Variants in LRRC37B observed in about 807,000 individuals in gnomAD.
LRRC37B encodes the protein leucine-rich repeat-containing protein 37B.
LRRC37B carries 28 observed loss-of-function variants against 98.3 expected under a neutral mutation model. The observed-to-expected ratio is 0.28, with a 90% CI of 0.21 to 0.39. LRRC37B has a LOEUF of 0.39. Ranked by LOEUF, LRRC37B falls within the 10% of genes least tolerant of loss-of-function variation. The probability of loss-of-function intolerance (pLI) is 1.00; values close to 1 mark genes in which losing one functional copy is unlikely to be tolerated. For missense variants in LRRC37B, 938 were observed against 1,182.7 expected (o/e 0.79, Z 3.03); for synonymous variants, 364 against 442.7 (o/e 0.82, Z 2.23).
At chr17:32,047,298 G>GC (rs1911613258) in intron 8 of LRRC37B, 1 of 215,436 alleles carries the variant, frequency 4.6e-6, no homozygotes, top group Admixed American at 5.2e-5. Context: ...TCAGAGGACC[G>GC]CCTTTGATTG....
At chr17:32,048,868 A>G (rs1911663108) in intron 9 of LRRC37B, 2 of 1,539,840 alleles carry the variant, frequency 1.3e-6, no homozygotes, top group East Asian at 4.5e-5. Flanking sequence ...GTTTTATAGA[A>G]AACACTAGTG....
chr17:32,033,339 G>A (rs1224536333), intron 5 of LRRC37B, among the ~76,000 whole-genome samples: 2 of 148,510 alleles, frequency 1.3e-5, no homozygotes, highest in South Asian at 4.4e-4. Flanking sequence ...AGGGAGGGGA[G>A]GGAGGGAAGG....
intron 1 of LRRC37B, among the ~76,000 whole-genome samples, chr17:32,012,782 C>T (rs760598368): frequency 2.6e-5 from 4 of 152,038 alleles, no homozygotes; most frequent in Admixed American, 1.3e-4. Context: ...TTTGGGAGGC[C>T]GAGGAGGGTG....
At chr17:32,041,780 G>T (rs563896818) in intron 7 of LRRC37B, 1 of 458,412 alleles carries the variant, frequency 2.2e-6, no homozygotes. Context: ...CCATGGCGCC[G>T]GCCTCCTCCC....
At chr17:32,040,011 T>G (rs1911380079) in intron 7 of LRRC37B, 1 of 152,204 alleles carries the variant, frequency 6.6e-6, no homozygotes, top group African/African-American at 2.4e-5. Context: ...AGGAAAAAAA[T>G]GCTCTGATTT....
chr17:32,053,333 G>A, exon 12 of LRRC37B: 1 of 1,601,286 alleles, frequency 6.2e-7, no homozygotes, highest in Admixed American at 1.8e-5. Context: ...GCCTGAGCAT[G>A]AGTTAAAGCA....
At chr17:32,033,060 A>T (rs1356604832) in intron 5 of LRRC37B, among the ~76,000 whole-genome samples, 1 of 152,180 alleles carries the variant, frequency 6.6e-6, no homozygotes, top group Non-Finnish European at 1.5e-5. Context: ...GCTACTCAGG[A>T]GGCTGAGGCA....
exon 1 of LRRC37B, chr17:32,022,815 T>A: frequency 6.2e-7 from 1 of 1,613,746 alleles, no homozygotes; most frequent in Non-Finnish European, 8.5e-7. Context: ...CAATGGCATC[T>A]TCACCACCTT....
In LRRC37B at chr17:32,030,604, C is replaced by T. The variant is rs1039315656; in HGVS notation, c.1905-52C>T. On this transcript the variant is annotated intron_variant, in intron 3 of 11. Transcript: ENST00000327564. ...TCTAAACTCTTGCTATTATTCATACCAGTCAACACTGATAACTTATCAAGG... is the reference window on the plus strand; with the variant it reads ...TCTAAACTCTTGCTATTATTCATACTAGTCAACACTGATAACTTATCAAGG... 1.1e-5 allele frequency: 15 copies of T among 1,401,690 alleles called. 1 individual carries two copies. The highest frequency in any genetic ancestry group is 2.6e-5 in the South Asian group (2 of 75,924). The allele number at this position is 1,401,690 out of a possible 1,614,324, so 86.8% of individuals were successfully genotyped here.
chr17:32,046,406 T>C (rs1221988491), intron 8 of LRRC37B, among the ~76,000 whole-genome samples: 2 of 152,342 alleles, frequency 1.3e-5, no homozygotes, highest in East Asian at 3.9e-4. Flanking sequence ...AACCTTTCTA[T>C]TCGCAGAACA....
At chr17:32,042,173 TC>T (rs1048610123) in intron 7 of LRRC37B, 25 of 263,682 alleles carry the variant, frequency 9.5e-5, no homozygotes, top group Non-Finnish European at 1.4e-4. Flanking sequence ...TGCCCCACCT[TC>T]CCCCCCATAC....
chr17:32,020,673 C>T (rs1910744016), upstream of LRRC37B: 2 of 344,358 alleles, frequency 5.8e-6, no homozygotes, highest in Middle Eastern at 5.5e-4. Flanking sequence ...CTGCCTGCCA[C>T]CCTAACTGGC....
chr17:32,007,590 G>C (rs1424553872), upstream of LRRC37B, among the ~76,000 whole-genome samples: 2 of 143,620 alleles, frequency 1.4e-5, no homozygotes, highest in Admixed American at 1.4e-4. This position sits in a 1 kb window ranked among gnomAD's most constrained non-coding sequence, Gnocchi z 4.1. Flanking sequence ...CCCTTCTCCC[G>C]CCGCCTGGGC....
rs1241409185 is a variant in LRRC37B at position 32,033,003 on chromosome 17, A to T, written c.2057+1545A>T. On this transcript the variant is annotated intron_variant, in intron 5 of 11. Coordinates refer to ENST00000327564, the Ensembl canonical transcript of LRRC37B. ...ACATGGTGAAACCCCGTCTGTACTA[A>T]AAATACAAAAATTAGCTGGGTGTGG... 2.0e-5 allele frequency among the ~76,000 whole-genome samples: 3 copies of T among 152,270 alleles called. No homozygotes were observed. The East Asian group carries it at 5.8e-4, about 29-fold the overall frequency.
chr17:32,033,775 A>G (rs2142250420), intron 5 of LRRC37B, among the ~76,000 whole-genome samples: 1 of 152,268 alleles, frequency 6.6e-6, no homozygotes, highest in South Asian at 2.1e-4. Flanking sequence ...TTTCTTGTTC[A>G]CTTTAAAGAA....
At chr17:32,045,530 G>A (rs780216396) in intron 7 of LRRC37B, 170 bp from the exon 11 acceptor site, 1 of 649,504 alleles carries the variant, frequency 1.5e-6, no homozygotes, top group Non-Finnish European at 2.7e-6. Flanking sequence ...CCCTTCAGTT[G>A]GGCACCTGTG....
At chr17:32,043,445 T>TAGCTA (rs1350859181) in intron 7 of LRRC37B, among the ~76,000 whole-genome samples, 1 of 152,040 alleles carries the variant, frequency 6.6e-6, no homozygotes, top group Non-Finnish European at 1.5e-5. Flanking sequence ...CCTGTAGTTC[T>TAGCTA]AGCTACTCAG....
exon 1 of LRRC37B, chr17:32,021,014 G>A (rs1910755048): frequency 6.4e-7 from 1 of 1,567,818 alleles, no homozygotes; most frequent in Non-Finnish European, 8.6e-7. Flanking sequence ...GAACAGATCT[G>A]GACCCAAGCC....
intron 7 of LRRC37B, among the ~76,000 whole-genome samples, chr17:32,043,939 G>A (rs934410940): frequency 1.3e-5 from 2 of 151,430 alleles, no homozygotes; most frequent in African/African-American, 4.9e-5. Context: ...CACTCAGTGT[G>A]TGCCAGACAT....
Sources: gnomAD v4.1 joint callset for allele counts (sites outside exome capture counted in the v4.1 genomes callset) on GRCh38, gnomAD v4.1.1 for gene constraint, Gnocchi (gnomAD v3.1) non-coding constraint, MANE v1.5 for transcripts, NCBI Gene and HGNC (gene_info 2026-07-23, HGNC 2026-07-21) for gene names.